INPP4B: variants seen among roughly 807,000 people sequenced by gnomAD.
INPP4B encodes the protein inositol polyphosphate-4-phosphatase type II B, also known as inositol polyphosphate 4-phosphatase type II.
A neutral mutation model predicts 122.5 loss-of-function variants in INPP4B; 55 were observed. The observed-to-expected ratio is 0.45, with a 90% CI of 0.36 to 0.56. The LOEUF is 0.56. Among genes scored for constraint, INPP4B ranks in the 20% least tolerant of loss-of-function variants. The pLI is 0.00. For synonymous variants in INPP4B, 403 were observed against 388.7 expected (o/e 1.04, Z -0.43); for missense variants, 1,000 against 1,097.7 (o/e 0.91, Z 1.26).
At chr4:142,222,900 C>A (rs1849961906) in intron 12 of INPP4B, among the ~76,000 whole-genome samples, 1 of 152,164 alleles carries the variant, frequency 6.6e-6, no homozygotes, top group South Asian at 2.1e-4. Context: ...TGCAAAAGAA[C>A]TATCATAGTA....
At chr4:142,075,223 G>A (rs1007642172) in intron 25 of INPP4B, among the ~76,000 whole-genome samples, 6 of 151,840 alleles carry the variant, frequency 4.0e-5, no homozygotes, top group South Asian at 4.2e-4. Context: ...TGAAAATGAC[G>A]ACCACATATT....
intron 2 of INPP4B, among the ~76,000 whole-genome samples, chr4:142,564,186 G>A (rs1392109167): frequency 6.6e-6 from 1 of 152,128 alleles, no homozygotes; most frequent in East Asian, 1.9e-4. Flanking sequence ...CTTATTCATA[G>A]TCCTTTGGGG....
intron 11 of INPP4B, among the ~76,000 whole-genome samples, chr4:142,253,087 C>G (rs142179793): frequency 6.6e-6 from 1 of 151,914 alleles, no homozygotes; most frequent in African/African-American, 2.4e-5. Context: ...TATTTATGTA[C>G]CTAAACATAT....
At chr4:142,149,569 CAG>C (rs1306645254) in intron 17 of INPP4B, among the ~76,000 whole-genome samples, 1 of 151,826 alleles carries the variant, frequency 6.6e-6, no homozygotes, top group Admixed American at 6.6e-5. Flanking sequence ...AAAACAAAAA[CAG>C]ATAAAGAAAC....
chr4:142,239,860 A>C (rs1238317145), intron 11 of INPP4B, among the ~76,000 whole-genome samples: 1 of 152,050 alleles, frequency 6.6e-6, no homozygotes, highest in African/African-American at 2.4e-5. Flanking sequence ...GAGTCAGTAT[A>C]AGTGCTATTT....
intron 17 of INPP4B, among the ~76,000 whole-genome samples, chr4:142,158,024 G>A (rs187407884): frequency 6.6e-6 from 1 of 151,964 alleles, no homozygotes; most frequent in Non-Finnish European, 1.5e-5. Context: ...TCCTTCTCTT[G>A]TAAGGACCTT....
chr4:142,427,961 T>G (rs1453107669), intron 5 of INPP4B, among the ~76,000 whole-genome samples: 1 of 151,862 alleles, frequency 6.6e-6, no homozygotes, highest in Non-Finnish European at 1.5e-5. Flanking sequence ...AATAATAGCC[T>G]CATTTTTGAT....
intron 7 of INPP4B, among the ~76,000 whole-genome samples, chr4:142,392,392 T>C (rs757757483): frequency 7.2e-5 from 11 of 152,246 alleles, no homozygotes; most frequent in African/African-American, 1.2e-4. Context: ...TTATGGCATA[T>C]ACTTTTATTT....
intron 25 of INPP4B, among the ~76,000 whole-genome samples, chr4:142,040,331 A>T (rs1050003466): frequency 6.6e-6 from 1 of 152,182 alleles, no homozygotes; most frequent in Middle Eastern, 3.2e-3. Context: ...GTATTGAGTT[A>T]GGCTTGGATA....
chr4:142,079,722 C>G (rs768463125), intron 25 of INPP4B, among the ~76,000 whole-genome samples: 1 of 151,944 alleles, frequency 6.6e-6, no homozygotes, highest in Non-Finnish European at 1.5e-5. Context: ...ATAATTAACA[C>G]AGCATTTGCA....
intron 2 of INPP4B, among the ~76,000 whole-genome samples, chr4:142,502,430 A>T (rs1412846753): frequency 6.6e-6 from 1 of 152,104 alleles, no homozygotes; most frequent in Non-Finnish European, 1.5e-5. Context: ...AACTCCATGT[A>T]TTATTGATTT....
intron 1 of INPP4B, among the ~76,000 whole-genome samples, chr4:142,739,280 TTATC>T (rs1767547326): frequency 6.6e-6 from 1 of 152,086 alleles, no homozygotes; most frequent in Non-Finnish European, 1.5e-5. Flanking sequence ...CTTTATCACT[TTATC>T]TTTTTGCATT....
At chr4:142,624,518 C>A (rs1433694077) in intron 2 of INPP4B, among the ~76,000 whole-genome samples, 1 of 151,986 alleles carries the variant, frequency 6.6e-6, no homozygotes, top group Non-Finnish European at 1.5e-5. Flanking sequence ...AGTCCAGGAC[C>A]AGATGGATTC....
At chr4:142,440,526 T>C (rs1811466273) in intron 3 of INPP4B, among the ~76,000 whole-genome samples, 1 of 152,154 alleles carries the variant, frequency 6.6e-6, no homozygotes, top group Non-Finnish European at 1.5e-5. Context: ...TTTTATCCTG[T>C]CAATGAAATT....
intron 3 of INPP4B, among the ~76,000 whole-genome samples, chr4:142,435,475 T>A (rs1008925767): frequency 3.1e-4 from 1 of 3,202 alleles, no homozygotes. Context: ...GGAATTTATT[T>A]GGGGGAGGGG....
intron 25 of INPP4B, among the ~76,000 whole-genome samples, chr4:142,031,623 T>C (rs1402760601): frequency 6.6e-6 from 1 of 152,216 alleles, no homozygotes; most frequent in Non-Finnish European, 1.5e-5. Flanking sequence ...GATTTGCATT[T>C]ATTCCTATTG....
intron 7 of INPP4B, among the ~76,000 whole-genome samples, chr4:142,400,613 AG>A (rs1004916213): frequency 6.6e-6 from 1 of 152,158 alleles, no homozygotes; most frequent in African/African-American, 2.4e-5. Context: ...CCATCACCAA[AG>A]CTATGTTAAG....
chr4:142,144,493 A>C (rs1360133437), intron 18 of INPP4B, among the ~76,000 whole-genome samples: 3 of 152,206 alleles, frequency 2.0e-5, no homozygotes, highest in Non-Finnish European at 4.4e-5. Context: ...ATATTTGTTC[A>C]ATTAAAGAAA....
intron 10 of INPP4B, among the ~76,000 whole-genome samples, chr4:142,265,259 T>A (rs1213262373): frequency 6.6e-6 from 1 of 152,224 alleles, no homozygotes; most frequent in Non-Finnish European, 1.5e-5. Context: ...CTACATTAGA[T>A]AACATGTGTC....
Sources: gnomAD v4.1 joint callset for allele counts (sites outside exome capture counted in the v4.1 genomes callset) on GRCh38, gnomAD v4.1.1 for gene constraint, MANE v1.5 for transcripts, NCBI Gene and HGNC (gene_info 2026-07-23, HGNC 2026-07-21) for gene names.